Variants in CAST observed in about 807,000 individuals in gnomAD.
CAST encodes the protein MIR583 host.
In CAST, 76 loss-of-function variants were observed where a neutral mutation model predicts 119.6. The ratio of observed to expected loss-of-function variants is 0.64; its 90% CI spans 0.53 to 0.77. The LOEUF is 0.77. Among genes scored for constraint, CAST ranks in the 30% least tolerant of loss-of-function variants. The probability of loss-of-function intolerance (pLI) is 0.00; values close to 1 mark genes in which losing one functional copy is unlikely to be tolerated. For synonymous variants in CAST, 319 were observed against 331.6 expected (o/e 0.96, Z 0.41); for missense variants, 953 against 946.5 (o/e 1.01, Z -0.09).
At chr5:96,118,050 A>T in the CAST span, among the ~76,000 whole-genome samples, 4 of 152,206 alleles carry the variant, frequency 2.6e-5, no homozygotes, top group Admixed American at 2.0e-4. Flanking sequence ...TAATAAGGAT[A>T]CGTTTGCTGT....
chr5:96,628,107 T>G (rs892938018), intron 1 of CAST, among the ~76,000 whole-genome samples: 1 of 152,272 alleles, frequency 6.6e-6, no homozygotes, highest in Non-Finnish European at 1.5e-5. Flanking sequence ...TTTAAAGTGC[T>G]GTTTCAGTGA....
the CAST span, among the ~76,000 whole-genome samples, chr5:96,162,335 A>G: frequency 2.6e-5 from 4 of 152,322 alleles, no homozygotes; most frequent in African/African-American, 9.6e-5. Context: ...TAGAATTTTT[A>G]TAGAATGCTT....
chr5:96,097,545 T>A, the CAST span, among the ~76,000 whole-genome samples: 5 of 152,190 alleles, frequency 3.3e-5, no homozygotes, highest in Non-Finnish European at 5.9e-5. Context: ...TGTATCCTCA[T>A]CATTTAGCTC....
At chr5:96,607,377 C>T (rs961857127) in intron 1 of CAST, among the ~76,000 whole-genome samples, 4 of 152,202 alleles carry the variant, frequency 2.6e-5, no homozygotes, top group African/African-American at 4.8e-5. Context: ...AAAGCCACAG[C>T]ACTTTTCACT....
At chr5:96,553,599 A>G (rs1746177242) in intron 1 of CAST, among the ~76,000 whole-genome samples, 2 of 152,236 alleles carry the variant, frequency 1.3e-5, no homozygotes, top group Admixed American at 1.3e-4. Flanking sequence ...AAAGAAGTAG[A>G]GAGGAAGTCA....
chr5:96,583,758 A>G (rs2150189855), intron 1 of CAST, among the ~76,000 whole-genome samples: 1 of 152,338 alleles, frequency 6.6e-6, no homozygotes, highest in African/African-American at 2.4e-5. Context: ...TACCGTGTGC[A>G]TCTATTTATG....
At chr5:96,317,029 T>C in the CAST span, among the ~76,000 whole-genome samples, 1 of 152,118 alleles carries the variant, frequency 6.6e-6, no homozygotes, top group Middle Eastern at 3.2e-3. Context: ...TAGGTTTGAG[T>C]GAGCAAGGCC....
chr5:96,398,733 G>GA, the CAST span: 1 of 734,386 alleles, frequency 1.4e-6, no homozygotes. Flanking sequence ...CTAACACCAA[G>GA]AAAAAGGAAA....
At chr5:96,763,366 A>G (rs2150697431) in intron 25 of CAST, 1 of 713,980 alleles carries the variant, frequency 1.4e-6, no homozygotes, top group South Asian at 1.5e-5. Flanking sequence ...GTGCATGTGC[A>G]TGTGCATGTG....
At chr5:96,012,793 G>T in the CAST span, among the ~76,000 whole-genome samples, 1 of 152,142 alleles carries the variant, frequency 6.6e-6, no homozygotes, top group Non-Finnish European at 1.5e-5. Flanking sequence ...CCCTTGACTT[G>T]CTTTGGCTAA....
the CAST span, among the ~76,000 whole-genome samples, chr5:96,375,808 G>C: frequency 2.9e-4 from 44 of 151,264 alleles, no homozygotes; most frequent in Non-Finnish European, 5.7e-4. Flanking sequence ...TGCTGCCTAT[G>C]TTTCTAGCCT....
At chr5:96,385,865 A>G in the CAST span, among the ~76,000 whole-genome samples, 1 of 152,214 alleles carries the variant, frequency 6.6e-6, no homozygotes, top group Admixed American at 6.5e-5. Context: ...TGCTATAAAT[A>G]TCTTCTAAAG....
chr5:96,694,375 C>T (rs987147593), intron 2 of CAST, among the ~76,000 whole-genome samples: 6 of 152,178 alleles, frequency 3.9e-5, no homozygotes, highest in African/African-American at 1.2e-4. Flanking sequence ...CGGTGGCTCA[C>T]GCCTGTAATC....
chr5:96,453,273 CTT>C, the CAST span, among the ~76,000 whole-genome samples: 5 of 152,232 alleles, frequency 3.3e-5, no homozygotes, highest in East Asian at 5.8e-4. Flanking sequence ...GTTTTGAACT[CTT>C]TTGGCATTAA....
chr5:96,415,180 T>TA, the CAST span, among the ~76,000 whole-genome samples: 1 of 152,224 alleles, frequency 6.6e-6, no homozygotes, highest in Non-Finnish European at 1.5e-5. Flanking sequence ...TCTTCTCCAT[T>TA]AGAACATGGA....
chr5:96,166,140 C>T, the CAST span, among the ~76,000 whole-genome samples: 1 of 152,268 alleles, frequency 6.6e-6, no homozygotes, highest in African/African-American at 2.4e-5. Flanking sequence ...AGCAGCATGC[C>T]AGTCCACAGT....
chr5:95,993,546 G>A, the CAST span, among the ~76,000 whole-genome samples: 2 of 152,112 alleles, frequency 1.3e-5, no homozygotes, highest in Admixed American at 6.6e-5. Context: ...CTGCAACAAA[G>A]TTCAGTATGT....
At chr5:96,270,855 C>A in the CAST span, among the ~76,000 whole-genome samples, 12 of 151,732 alleles carry the variant, frequency 7.9e-5, no homozygotes, top group African/African-American at 2.9e-4. Flanking sequence ...CACACATACC[C>A]CTGAACTTAA....
At chr5:96,666,632 A>G (rs1012359039) in intron 1 of CAST, among the ~76,000 whole-genome samples, 3 of 152,262 alleles carry the variant, frequency 2.0e-5, no homozygotes, top group Non-Finnish European at 4.4e-5. Flanking sequence ...TAATGGAAAC[A>G]TAGAGGTCAA....
Sources: allele counts gnomAD v4.1 joint callset (sites outside exome capture counted in the v4.1 genomes callset), GRCh38; gene constraint gnomAD v4.1.1; transcripts MANE v1.5; gene names NCBI Gene and HGNC (gene_info 2026-07-23, HGNC 2026-07-21).